Variants in RALGAPA1 observed in about 807,000 individuals in gnomAD.
RALGAPA1 encodes the protein ral GTPase-activating protein subunit alpha-1.
Under a neutral mutation model 269.6 loss-of-function variants are expected in RALGAPA1, and 52 were observed. The observed-to-expected ratio is 0.19, with a 90% CI of 0.15 to 0.24. The LOEUF (loss-of-function observed/expected upper bound fraction) is 0.24, where lower values mean the gene tolerates loss of function less well. Among genes scored for constraint, RALGAPA1 ranks in the 10% least tolerant of loss-of-function variants. The pLI, the probability that RALGAPA1 is intolerant of heterozygous loss-of-function variation, is 1.00. For synonymous variants in RALGAPA1, 817 were observed against 1,008.3 expected (o/e 0.81, Z 3.60); for missense variants, 1,917 against 3,013.9 (o/e 0.64, Z 8.52).
chr14:35,799,423 G>A (rs28864732), intron 1 of RALGAPA1, among the ~76,000 whole-genome samples: 18,423 of 151,928 alleles, frequency 0.12, 1,189 homozygotes, highest in South Asian at 0.14. Flanking sequence ...TAAGCTGGGC[G>A]TGGCAATGCG....
At chr14:35,666,011 TTCC>T (rs1328302875) in intron 26 of RALGAPA1, among the ~76,000 whole-genome samples, 1 of 151,540 alleles carries the variant, frequency 6.6e-6, no homozygotes, top group Non-Finnish European at 1.5e-5. Flanking sequence ...GACTAGGTGT[TTCC>T]TCCTTTTTTT....
chr14:35,635,180 A>G (rs200916395), intron 32 of RALGAPA1, among the ~76,000 whole-genome samples: 1 of 69,716 alleles, frequency 1.4e-5, no homozygotes, highest in Non-Finnish European at 2.3e-5. Flanking sequence ...TCAATAAAAG[A>G]AAAAAAAAAA....
intron 16 of RALGAPA1, among the ~76,000 whole-genome samples, chr14:35,711,173 T>C (rs2068296614): frequency 6.6e-6 from 1 of 152,254 alleles, no homozygotes; most frequent in Admixed American, 6.5e-5. Flanking sequence ...TGTTCCTTTA[T>C]CTGTTGAGAC....
intron 21 of RALGAPA1, among the ~76,000 whole-genome samples, chr14:35,682,585 T>C (rs7155925): frequency 0.35 from 52,977 of 152,036 alleles, 12,743 homozygotes; most frequent in African/African-American, 0.67. Flanking sequence ...GGATTACAGG[T>C]GTGAGCCACC....
chr14:35,763,903 G>A (rs2073932240), intron 4 of RALGAPA1, among the ~76,000 whole-genome samples: 1 of 151,732 alleles, frequency 6.6e-6, no homozygotes, highest in Non-Finnish European at 1.5e-5. Flanking sequence ...TATATGGGAG[G>A]GCTCTAGTAC....
intron 39 of RALGAPA1, among the ~76,000 whole-genome samples, chr14:35,554,612 C>T (rs928769168): frequency 6.6e-5 from 10 of 152,014 alleles, no homozygotes; most frequent in African/African-American, 2.4e-4. Context: ...TCCCAAAGTG[C>T]TGGGATTACA....
In RALGAPA1 at chr14:35,659,178, C is replaced by T. The variant is rs1341430881; in HGVS notation, c.5347G>A (p.Val1783Ile). The T allele has an allele frequency of 2.5e-6, 4 of 1,610,764 alleles. No individual in the cohort carries two copies. Among genetic ancestry groups the T allele is most frequent in the East Asian group, 4.5e-5 (2 of 44,760 alleles). Residue 1783 changes from valine (V) to isoleucine (I), a missense_variant, in exon 28 of 42, where the codon GTA (valine) becomes ATA (isoleucine). Coordinates refer to ENST00000680220, the MANE Select transcript of RALGAPA1 (RefSeq NM_001346249.2). The part of the protein sequence containing the change: ...TDVKELIIKT[V>I]LSSARDEPSG... ...GGCTCATCTCTTGCCGAGCTTAATACAGTTTTGATTATAAGTTCCTAAAAT... is the reference window on the plus strand; with the variant it reads ...GGCTCATCTCTTGCCGAGCTTAATATAGTTTTGATTATAAGTTCCTAAAAT...
chr14:35,571,923 T>G (rs1326396693), intron 38 of RALGAPA1, among the ~76,000 whole-genome samples: 1 of 152,138 alleles, frequency 6.6e-6, no homozygotes, highest in Non-Finnish European at 1.5e-5. Context: ...ATTCTGAAGA[T>G]TCTTAATCAA....
chr14:35,763,286 T>C (rs1347845693), intron 4 of RALGAPA1, among the ~76,000 whole-genome samples: 1 of 152,064 alleles, frequency 6.6e-6, no homozygotes, highest in Non-Finnish European at 1.5e-5. Context: ...CCACTCAGTA[T>C]GAATAAATCT....
intron 20 of RALGAPA1, among the ~76,000 whole-genome samples, chr14:35,684,372 ATTATTCAAAGGAAG>A (rs750828576): frequency 1.4e-3 from 219 of 152,354 alleles, no homozygotes; most frequent in Non-Finnish European, 2.4e-3. Flanking sequence ...ACAAGGGGCA[ATTATTCAAAGGAAG>A]TTCTGGGTAC....
intron 33 of RALGAPA1, among the ~76,000 whole-genome samples, chr14:35,632,649 A>G (rs2061430288): frequency 6.6e-6 from 1 of 152,214 alleles, no homozygotes; most frequent in Admixed American, 6.5e-5. Context: ...CTTTTTGCTA[A>G]TAAGACTACT....
chr14:35,721,237 C>T, intron 16 of RALGAPA1, among the ~76,000 whole-genome samples: 1 of 152,244 alleles, frequency 6.6e-6, no homozygotes, highest in Admixed American at 6.5e-5. Context: ...CCATGTTGGC[C>T]TTAGCTGTCT....
intron 3 of RALGAPA1, among the ~76,000 whole-genome samples, chr14:35,772,362 C>A (rs572896674): frequency 6.6e-6 from 1 of 152,248 alleles, no homozygotes; most frequent in South Asian, 2.1e-4. Flanking sequence ...GGACAGAGAG[C>A]AGGATTTAAA....
intron 22 of RALGAPA1, 23 bp from the exon 23 acceptor site, chr14:35,674,732 T>A: frequency 7.5e-7 from 1 of 1,326,588 alleles, no homozygotes; most frequent in Non-Finnish European, 1.1e-6. Context: ...ATATATAGTG[T>A]CAGCCATTTT....
intron 1 of RALGAPA1, among the ~76,000 whole-genome samples, chr14:35,797,062 AAAG>A (rs1347406787): frequency 6.6e-6 from 1 of 152,158 alleles, no homozygotes; most frequent in African/African-American, 2.4e-5. Flanking sequence ...TATCTTTAAA[AAAG>A]AAGCCAAAGC....
intron 17 of RALGAPA1, among the ~76,000 whole-genome samples, chr14:35,692,374 T>C (rs2066550895): frequency 1.3e-5 from 2 of 151,946 alleles, no homozygotes; most frequent in Non-Finnish European, 2.9e-5. Flanking sequence ...TATTTCACAA[T>C]TTTTCCATTC....
At position 35,700,155 on chromosome 14, in the gene RALGAPA1, G is replaced by A; in HGVS notation, c.2407+7C>T. The A allele has an allele frequency of 6.6e-7, 1 of 1,519,144 alleles. No individual in the cohort carries two copies. Among genetic ancestry groups the A allele is most frequent in the Non-Finnish European group, 8.8e-7 (1 of 1,142,346 alleles). 94.1% of individuals were successfully genotyped at this position (1,519,144 alleles called of 1,614,324 possible). A position where few individuals can be genotyped will look rare whatever the true frequency, so the allele number is the denominator to read the frequency against. On this transcript the variant is annotated splice_region_variant and intron_variant, in intron 17 of 41. Transcript: ENST00000680220. ...GGTGGTGCAGAAATTAGCAGAGGTGGCACTACCTGAAAGCTCATCAGAAAG... is the reference window on the plus strand; with the variant it reads ...GGTGGTGCAGAAATTAGCAGAGGTGACACTACCTGAAAGCTCATCAGAAAG...
chr14:35,574,192 A>C (rs775797474), intron 37 of RALGAPA1, among the ~76,000 whole-genome samples: 1 of 152,220 alleles, frequency 6.6e-6, no homozygotes, highest in Non-Finnish European at 1.5e-5. Context: ...AAGACAAGAC[A>C]ACTGAAATAA....
intron 1 of RALGAPA1, among the ~76,000 whole-genome samples, chr14:35,786,025 T>G (rs1460569923): frequency 6.6e-6 from 1 of 151,968 alleles, no homozygotes; most frequent in Non-Finnish European, 1.5e-5. Context: ...GGCGTGGTAG[T>G]GCACACCTAT....
Sources: gnomAD v4.1 joint callset for allele counts (sites outside exome capture counted in the v4.1 genomes callset) on GRCh38, gnomAD v4.1.1 for gene constraint, MANE v1.5 for transcripts, NCBI Gene and HGNC (gene_info 2026-07-23, HGNC 2026-07-21) for gene names.